The following CEP128 variants were observed in gnomAD, a reference collection of about 807,000 sequenced individuals.
CEP128 encodes centrosomal protein 128kDa.
Under a neutral mutation model 156.7 loss-of-function variants are expected in CEP128, and 132 were observed. The observed-to-expected ratio is 0.84, with a 90% CI of 0.73 to 0.97. The LOEUF (loss-of-function observed/expected upper bound fraction) is 0.97. Among genes scored for constraint, CEP128 ranks in the 50% least tolerant of loss-of-function variants. CEP128 has a pLI of 0.00. For synonymous variants in CEP128, 469 were observed against 448.9 expected (o/e 1.04, Z -0.57); for missense variants, 1,252 against 1,281.9 (o/e 0.98, Z 0.36).
chr14:80,749,314 C>T (rs895116861), intron 18 of CEP128, among the ~76,000 whole-genome samples: 37 of 152,190 alleles, frequency 2.4e-4, no homozygotes, highest in Admixed American at 2.2e-3. Flanking sequence ...ATCAGGATAG[C>T]GATGTCTGCG....
At chr14:80,636,705 TC>T (rs1335499089) in intron 19 of CEP128, among the ~76,000 whole-genome samples, 1 of 152,196 alleles carries the variant, frequency 6.6e-6, no homozygotes, top group Non-Finnish European at 1.5e-5. Context: ...ATTATATTCT[TC>T]CTGGGACTGG....
intron 8 of CEP128, among the ~76,000 whole-genome samples, chr14:80,887,096 C>T (rs375091731): frequency 3.2e-4 from 49 of 152,236 alleles, no homozygotes; most frequent in Admixed American, 8.5e-4. Context: ...AATATATATG[C>T]GCCCAATACA....
chr14:80,905,755 G>T, intron 5 of CEP128, 200 bp downstream of exon 5: 1 of 392,126 alleles, frequency 2.6e-6, no homozygotes, highest in Non-Finnish European at 4.4e-6. Flanking sequence ...CAGAGTTTGA[G>T]AAAAAAAAAA....
At chr14:80,945,885 C>G (rs997297560), upstream of CEP128, 2 of 152,212 alleles carry the variant, frequency 1.3e-5, no homozygotes, top group Non-Finnish European at 2.9e-5. Context: ...TTCCTGGATC[C>G]AAGCCTTGTT....
chr14:80,833,689 T>G (rs917755047), intron 12 of CEP128, among the ~76,000 whole-genome samples: 1 of 152,134 alleles, frequency 6.6e-6, no homozygotes, highest in African/African-American at 2.4e-5. Flanking sequence ...AATAGTGCCC[T>G]TTAGTAATAG....
chr14:80,811,699 GTGTGTT>G (rs957429699), intron 13 of CEP128, among the ~76,000 whole-genome samples: 48 of 133,512 alleles, frequency 3.6e-4, no homozygotes, highest in African/African-American at 1.4e-3. Flanking sequence ...GTGTGTGTGT[GTGTGTT>G]TGAGAGTGTG....
At chr14:80,685,934 G>A (rs1398304383) in intron 19 of CEP128, among the ~76,000 whole-genome samples, 1 of 151,932 alleles carries the variant, frequency 6.6e-6, no homozygotes, top group African/African-American at 2.4e-5. Flanking sequence ...GGACTCCTAC[G>A]TAACATTATA....
At chr14:80,571,216 C>T (rs1426680318) in intron 20 of CEP128, among the ~76,000 whole-genome samples, 1 of 152,158 alleles carries the variant, frequency 6.6e-6, no homozygotes, top group African/African-American at 2.4e-5. Context: ...GGGTTAGATT[C>T]ATCACTGAGA....
chr14:80,573,226 T>C lies in CEP128; in HGVS notation c.2856+7148A>G, dbSNP rs78590130. 2.0e-4 allele frequency among the ~76,000 whole-genome samples: 31 copies of C among 152,204 alleles called. No individual in the cohort carries two copies. In the East Asian group the frequency reaches 4.1e-3, roughly 20 times the overall value. On this transcript the variant is annotated intron_variant, in intron 20 of 24. Coordinates refer to ENST00000555265, the MANE Select transcript of CEP128 (RefSeq NM_152446.5). ...AGGCATGAGCCACCTCGCCCAGCCT[T>C]TTTTACTACTAACTTTTTAAATAAA...
Position 80,838,276 on chromosome 14 carries a change from A to G in CEP128, c.852T>C (p.Leu284=). The G allele has an allele frequency of 1.9e-6, 3 of 1,611,442 alleles. No individual in the cohort carries two copies. The highest frequency in any genetic ancestry group is 2.5e-6 in the Non-Finnish European group (3 of 1,178,238). The change falls in exon 11 of 25, where the codon CTT becomes CTC. Residue 284 remains leucine, a splice_region_variant and synonymous_variant. Transcript: ENST00000555265. ...LRQTETEKNQ[L]EQELELSRRL... ...TTCGAGATAGCTCCAATTCCTGTTC[A>G]AGCTAGAGTTTCAACAAAGGATAAA...
At chr14:80,956,400 A>T (rs958519815) in intron 2 of CEP128, among the ~76,000 whole-genome samples, 7 of 152,262 alleles carry the variant, frequency 4.6e-5, no homozygotes, top group African/African-American at 1.7e-4. Flanking sequence ...GTGAACTGCC[A>T]GTGAAATAGT....
chr14:80,514,137 T>C (rs566634512), intron 23 of CEP128, among the ~76,000 whole-genome samples: 1 of 152,330 alleles, frequency 6.6e-6, no homozygotes, highest in East Asian at 1.9e-4. Flanking sequence ...ATGTTTAAAT[T>C]TACCTATAGC....
chr14:80,706,507 G>A (rs1332400271), intron 19 of CEP128, among the ~76,000 whole-genome samples: 2 of 151,968 alleles, frequency 1.3e-5, no homozygotes, highest in East Asian at 1.9e-4. Flanking sequence ...GATTTCAGAT[G>A]AGAAATCTCC....
intron 21 of CEP128, among the ~76,000 whole-genome samples, chr14:80,539,072 G>A (rs148845349): frequency 6.6e-6 from 1 of 152,342 alleles, no homozygotes; most frequent in African/African-American, 2.4e-5. Context: ...ATGAAGGAAA[G>A]CTTTTCACAT....
chr14:80,808,615 C>A (rs938299565), intron 13 of CEP128, among the ~76,000 whole-genome samples: 1 of 152,162 alleles, frequency 6.6e-6, no homozygotes, highest in Non-Finnish European at 1.5e-5. Flanking sequence ...AGCCCAAGAT[C>A]AGGCATGCTC....
intron 2 of CEP128, among the ~76,000 whole-genome samples, chr14:80,917,889 T>A (rs558479266): frequency 3.9e-5 from 6 of 152,328 alleles, no homozygotes; most frequent in East Asian, 1.9e-4. Context: ...AGGTTTTTTT[T>A]AAATGAAATA....
chr14:80,782,462 C>A (rs1000134998), intron 15 of CEP128, among the ~76,000 whole-genome samples: 23 of 152,166 alleles, frequency 1.5e-4, no homozygotes, highest in African/African-American at 5.6e-4. Context: ...GTACTTTACA[C>A]GCTCCTAGAC....
intron 22 of CEP128, among the ~76,000 whole-genome samples, chr14:80,529,145 C>T (rs980119022): frequency 1.3e-5 from 2 of 152,240 alleles, no homozygotes; most frequent in South Asian, 4.1e-4. Flanking sequence ...GAAAATAACA[C>T]CCATCTATAG....
chr14:80,879,078 C>T (rs1188696816), intron 8 of CEP128, among the ~76,000 whole-genome samples: 2 of 152,298 alleles, frequency 1.3e-5, no homozygotes, highest in African/African-American at 4.8e-5. Context: ...GCAGGTATCA[C>T]TAACATTGAT....
Sources: allele counts gnomAD v4.1 joint callset (sites outside exome capture counted in the v4.1 genomes callset), GRCh38; gene constraint gnomAD v4.1.1; transcripts MANE v1.5; gene names NCBI Gene and HGNC (gene_info 2026-07-23, HGNC 2026-07-21).